Variants in CHCHD6 observed in about 807,000 individuals in gnomAD.
CHCHD6 encodes coiled-coil-helix-coiled-coil-helix domain containing 6.
In CHCHD6, 28 loss-of-function variants were observed where a neutral mutation model predicts 32.3. The observed-to-expected ratio is 0.87, with a 90% CI of 0.64 to 1.19. CHCHD6 has a LOEUF of 1.19. CHCHD6 is among the 50% of genes most tolerant of loss of function. The pLI, the probability that CHCHD6 is intolerant of heterozygous loss-of-function variation, is 0.00. For missense variants in CHCHD6, 333 were observed against 307.0 expected (o/e 1.08, Z -0.63); for synonymous variants, 122 against 117.5 (o/e 1.04, Z -0.25).
intron 4 of CHCHD6, among the ~76,000 whole-genome samples, chr3:126,828,522 C>T (rs1325597394): frequency 6.6e-6 from 1 of 152,184 alleles, no homozygotes; most frequent in African/African-American, 2.4e-5. Context: ...GGACAGAGGC[C>T]ACTCTGAAAT....
chr3:126,876,986 G>A (rs1443149106), intron 5 of CHCHD6, among the ~76,000 whole-genome samples: 2 of 152,140 alleles, frequency 1.3e-5, no homozygotes, highest in Admixed American at 1.3e-4. Context: ...GGTAGGAGGA[G>A]CATCTAGATC....
chr3:126,881,447 A>G (rs1370206375), intron 5 of CHCHD6, among the ~76,000 whole-genome samples: 1 of 152,134 alleles, frequency 6.6e-6, no homozygotes, highest in Non-Finnish European at 1.5e-5. Context: ...CAAGCCCCCC[A>G]TTGAGCAGGG....
chr3:126,815,292 A>C (rs1200001518), intron 4 of CHCHD6, among the ~76,000 whole-genome samples: 1 of 152,132 alleles, frequency 6.6e-6, no homozygotes, highest in African/African-American at 2.4e-5. Context: ...ACCCCAGTGG[A>C]TGTCTCTCTG....
chr3:126,792,224 C>G (rs1938579200), intron 4 of CHCHD6, among the ~76,000 whole-genome samples: 1 of 146,494 alleles, frequency 6.8e-6, no homozygotes, highest in Admixed American at 6.8e-5. Context: ...GGAATATATA[C>G]TTAGAATATA....
intron 4 of CHCHD6, among the ~76,000 whole-genome samples, chr3:126,739,313 T>C (rs1936190182): frequency 1.3e-5 from 2 of 152,142 alleles, no homozygotes; most frequent in South Asian, 4.2e-4. Context: ...TTTTACTCTT[T>C]GCAGTCACAT....
intron 4 of CHCHD6, among the ~76,000 whole-genome samples, chr3:126,788,227 C>T (rs749666197): frequency 8.5e-5 from 13 of 152,112 alleles, no homozygotes; most frequent in Non-Finnish European, 1.3e-4. Flanking sequence ...TTTCGTTTGC[C>T]AGTATTTTAT....
intron 4 of CHCHD6, among the ~76,000 whole-genome samples, chr3:126,773,120 C>T (rs968757871): frequency 1.3e-5 from 2 of 151,934 alleles, no homozygotes; most frequent in African/African-American, 4.8e-5. Context: ...TGATGGGGTT[C>T]CCTTTGTAGG....
chr3:126,712,076 GA>G (rs1934773887), intron 1 of CHCHD6, among the ~76,000 whole-genome samples: 1 of 152,184 alleles, frequency 6.6e-6, no homozygotes, highest in South Asian at 2.1e-4. Flanking sequence ...CTGAGGAGTG[GA>G]GGCTCATCTT....
intron 4 of CHCHD6, among the ~76,000 whole-genome samples, chr3:126,741,138 C>A (rs560332906): frequency 2.6e-5 from 4 of 152,250 alleles, no homozygotes; most frequent in African/African-American, 7.2e-5. Flanking sequence ...TGGACAAACA[C>A]GGGCTGTGAG....
At chr3:126,776,540 T>G (rs1187724808) in intron 4 of CHCHD6, among the ~76,000 whole-genome samples, 1 of 152,236 alleles carries the variant, frequency 6.6e-6, no homozygotes, top group African/African-American at 2.4e-5. Context: ...CGATTCTGAA[T>G]TCCTAAGGAT....
chr3:126,768,743 A>G (rs1937478886), intron 4 of CHCHD6, among the ~76,000 whole-genome samples: 1 of 151,904 alleles, frequency 6.6e-6, no homozygotes, highest in African/African-American at 2.4e-5. Context: ...TTATTTTTTG[A>G]CTTTTTAATA....
intron 4 of CHCHD6, among the ~76,000 whole-genome samples, chr3:126,811,405 A>T (rs1483784117): frequency 6.6e-6 from 1 of 152,316 alleles, no homozygotes; most frequent in East Asian, 1.9e-4. Context: ...CCAGGGTTTT[A>T]TATGAAACAT....
At chr3:126,862,262 T>TCAC (rs1207919001) in intron 5 of CHCHD6, among the ~76,000 whole-genome samples, 3 of 53,172 alleles carry the variant, frequency 5.6e-5, no homozygotes, top group African/African-American at 1.4e-4. Flanking sequence ...TCCTCCTCCA[T>TCAC]CACCTCCTCC....
chr3:126,795,450 T>C (rs1938748096), intron 4 of CHCHD6, among the ~76,000 whole-genome samples: 1 of 152,112 alleles, frequency 6.6e-6, no homozygotes, highest in Non-Finnish European at 1.5e-5. Flanking sequence ...AGCTGGAGAG[T>C]TTTTCTTTCT....
rs1182810481 is a variant in CHCHD6, at chr3:126,780,189, G to A, written c.411+46967G>A. On this transcript the variant is annotated intron_variant, in intron 4 of 7. Transcript: ENST00000290913. ...TATCAGGCACGTAAGCTTGGGTCTA[G>A]CCATCCAGAATTTAAGAATGGTTTG... is the stretch of plus-strand genomic sequence containing the variant. Among the ~76,000 whole-genome samples the A allele has an allele frequency of 5.3e-5, 8 of 152,202 alleles. No individual in the cohort carries two copies. The East Asian group carries it at 1.5e-3, about 29-fold the overall frequency.
rs192614272 is a variant in CHCHD6 at position 126,834,328 on chromosome 3, A to G, written c.412-18319A>G. Among the ~76,000 whole-genome samples, 75 of 152,304 alleles carry G rather than the reference A, an allele frequency of 4.9e-4. 1 individual carries two copies. Among genetic ancestry groups the G allele is most frequent in the Admixed American group, 2.5e-3 (38 of 15,298 alleles). The stretch of plus-strand genomic sequence containing the variant: ...TAATTATAGGATATATTTAAGTGCT[A>G]TGGGAGTACAGATAGATGATACAGT... On this transcript the variant is annotated intron_variant, in intron 4 of 7. Transcript: ENST00000290913.
At chr3:126,814,297 G>C (rs1409458688) in intron 4 of CHCHD6, among the ~76,000 whole-genome samples, 4 of 152,184 alleles carry the variant, frequency 2.6e-5, no homozygotes, top group African/African-American at 9.7e-5. Flanking sequence ...ACAGGACAGA[G>C]TTTATGAATA....
chr3:126,958,487 C>T (rs1432196361), intron 7 of CHCHD6, among the ~76,000 whole-genome samples: 1 of 152,200 alleles, frequency 6.6e-6, no homozygotes, highest in East Asian at 1.9e-4. Context: ...TCTGTGCTCT[C>T]CAGCCATGTC....
At chr3:126,797,574 C>A (rs557996417) in intron 4 of CHCHD6, among the ~76,000 whole-genome samples, 1 of 152,160 alleles carries the variant, frequency 6.6e-6, no homozygotes, top group South Asian at 2.1e-4. Flanking sequence ...TATCTTGGGA[C>A]CTTTTGTTTT....
Sources: gnomAD v4.1 joint callset for allele counts (sites outside exome capture counted in the v4.1 genomes callset) on GRCh38, gnomAD v4.1.1 for gene constraint, MANE v1.5 for transcripts, NCBI Gene and HGNC (gene_info 2026-07-23, HGNC 2026-07-21) for gene names.